CDC42BPA: variants seen among roughly 807,000 people sequenced by gnomAD.
CDC42BPA encodes CDC42 binding protein kinase alpha.
A neutral mutation model predicts 223.5 loss-of-function variants in CDC42BPA; 80 were observed. The ratio of observed to expected loss-of-function variants is 0.36; its 90% confidence interval spans 0.30 to 0.43. The LOEUF (loss-of-function observed/expected upper bound fraction) is 0.43. Ranked by LOEUF, CDC42BPA falls within the 20% of genes least tolerant of loss-of-function variation. The pLI is 1.00. For missense variants in CDC42BPA, 1,743 were observed against 2,099.9 expected (o/e 0.83, Z 3.32); for synonymous variants, 694 against 718.6 (o/e 0.97, Z 0.55).
intron 12 of CDC42BPA, among the ~76,000 whole-genome samples, chr1:227,113,813 G>C (rs1399274306): frequency 2.0e-5 from 3 of 147,784 alleles, no homozygotes; most frequent in Non-Finnish European, 3.0e-5. Flanking sequence ...AGGAGTTCAA[G>C]ATCAGCCTAG....
chr1:227,178,888 C>A (rs1406334370), intron 5 of CDC42BPA, among the ~76,000 whole-genome samples: 2 of 152,200 alleles, frequency 1.3e-5, no homozygotes, highest in African/African-American at 4.8e-5. Context: ...TCCTGATAGA[C>A]TGAGTAATTT....
Position 227,114,866 on chromosome 1 carries a change from G to A in CDC42BPA, c.1648-1953C>T, listed in dbSNP as rs1017799499. Among the ~76,000 whole-genome samples the A allele has an allele frequency of 1.1e-4, 16 of 152,022 alleles. 1 individual carries two copies. The highest frequency in any genetic ancestry group is 3.9e-4 in the African/African-American group (16 of 41,484). ...GGATACTCAATCTGTAAAATTAAAC[G>A]TCTTTAAATTGTTTGTGGGAAATAG... On this transcript the variant is annotated intron_variant, in intron 12 of 36. Transcript: ENST00000366766.
At chr1:227,126,958 A>T (rs1275502499) in intron 11 of CDC42BPA, among the ~76,000 whole-genome samples, 1 of 152,220 alleles carries the variant, frequency 6.6e-6, no homozygotes, top group Non-Finnish European at 1.5e-5. Flanking sequence ...TATAGATCAG[A>T]AAGGGAGAAA....
intron 1 of CDC42BPA, among the ~76,000 whole-genome samples, chr1:227,262,123 A>G (rs1283555183): frequency 1.3e-5 from 2 of 152,226 alleles, no homozygotes; most frequent in African/African-American, 4.8e-5. Flanking sequence ...TGGGAAGATT[A>G]GTACCCTCAA....
rs368245135 is a variant in CDC42BPA, at chr1:227,139,741, C to A, written c.1225G>T (p.Val409Leu). ...FVGFTYTSSC[V>L]LSDRSCLRVT... Reference sequence around the variant, plus strand: ...CTTAAACAGCTCCGATCAGAAAGTACACTGAAGAAAAGAAAAAAAAATGTA... The same window carrying A: ...CTTAAACAGCTCCGATCAGAAAGTAAACTGAAGAAAAGAAAAAAAAATGTA... Residue 409 changes from valine to leucine, a missense_variant and splice_region_variant, in exon 10 of 37, where the codon GTA (valine) becomes TTA (leucine). Val to Leu is a conservative substitution (Grantham distance 32, BLOSUM62 1). Around this residue, in one of 6 missense-constraint regions of CDC42BPA, gnomAD observed 464 missense variants for 488.0 expected, o/e 0.95. Transcript: ENST00000366766. The A allele has an allele frequency of 3.2e-5, 48 of 1,509,666 alleles. No individual in the cohort carries two copies. The highest frequency in any genetic ancestry group is 4.4e-6 in the Non-Finnish European group (5 of 1,134,938). 93.5% of individuals were successfully genotyped at this position (1,509,666 alleles called of 1,614,324 possible).
chr1:227,060,581 A>G (rs545035641), intron 21 of CDC42BPA, among the ~76,000 whole-genome samples: 1 of 152,278 alleles, frequency 6.6e-6, no homozygotes, highest in South Asian at 2.1e-4. Context: ...TTGGGGACCT[A>G]GAGGAGGGAA....
At chr1:227,179,751 G>C (rs1667626133) in intron 5 of CDC42BPA, among the ~76,000 whole-genome samples, 1 of 136,350 alleles carries the variant, frequency 7.3e-6, no homozygotes, top group Admixed American at 7.7e-5. Flanking sequence ...CAAAAAGGTA[G>C]ACATCTTTCC....
At chr1:227,085,482 T>A (rs1681668068) in intron 16 of CDC42BPA, among the ~76,000 whole-genome samples, 1 of 152,262 alleles carries the variant, frequency 6.6e-6, no homozygotes, top group South Asian at 2.1e-4. Context: ...TTCTAAGCTA[T>A]TAGGAATTCT....
At chr1:227,285,459 G>T (rs1264576983) in intron 1 of CDC42BPA, among the ~76,000 whole-genome samples, 1 of 152,080 alleles carries the variant, frequency 6.6e-6, no homozygotes, top group Non-Finnish European at 1.5e-5. Context: ...TTACATTATT[G>T]GTTCTATCCA....
intron 14 of CDC42BPA, among the ~76,000 whole-genome samples, chr1:227,108,474 C>T (rs900522118): frequency 4.6e-5 from 7 of 151,824 alleles, no homozygotes; most frequent in African/African-American, 1.5e-4. Context: ...ATACCTCATA[C>T]GACTTCAATC....
chr1:227,168,258 T>C (rs1433238906), intron 5 of CDC42BPA, among the ~76,000 whole-genome samples: 3 of 152,156 alleles, frequency 2.0e-5, no homozygotes, highest in Non-Finnish European at 4.4e-5. Flanking sequence ...TACTTAAAAA[T>C]ATCATATCAC....
intron 6 of CDC42BPA, among the ~76,000 whole-genome samples, chr1:227,150,857 AAAAAAAAAAAAG>A (rs1297827675): frequency 2.7e-5 from 3 of 112,750 alleles, no homozygotes; most frequent in Non-Finnish European, 3.9e-5. Flanking sequence ...ACCTCCCTGA[AAAAAAAAAAAAG>A]AAAAAAAAAA....
intron 14 of CDC42BPA, among the ~76,000 whole-genome samples, chr1:227,108,925 T>C (rs79424821): frequency 0.058 from 8,803 of 152,198 alleles, 833 homozygotes; most frequent in African/African-American, 0.2. Context: ...ACCTGTACAG[T>C]ATGGTACTGT....
chr1:227,160,557 T>C lies in CDC42BPA; in HGVS notation c.679A>G (p.Met227Val), dbSNP rs1225322952. Reference sequence around the variant, plus strand: ...TCTTTATTTACCGTTCCATCTTCCATCAGCTTCAGACAAGAACCAAAATCT... The same window carrying C: ...TCTTTATTTACCGTTCCATCTTCCACCAGCTTCAGACAAGAACCAAAATCT... Reference protein sequence around the residue: ...LADFGSCLKLMEDGTVQSSVA... With the variant: ...LADFGSCLKLVEDGTVQSSVA... Residue 227 changes from methionine (M) to valine (V), a missense_variant, in exon 6 of 37, where the codon ATG becomes GTG. This residue lies in a region of CDC42BPA where 321 missense variants were observed against 488.7 expected (regional missense o/e 0.66). Transcript: ENST00000366766. The C allele has an allele frequency of 6.3e-7, 1 of 1,592,600 alleles. No individual in the cohort carries two copies. The highest frequency in any genetic ancestry group is 1.1e-5 in the South Asian group (1 of 90,516).
chr1:227,199,096 T>C (rs1034869290), intron 4 of CDC42BPA, among the ~76,000 whole-genome samples: 2 of 152,200 alleles, frequency 1.3e-5, no homozygotes, highest in Non-Finnish European at 2.9e-5. Context: ...GAGATACATG[T>C]GTTAGTTATG....
intron 35 of CDC42BPA, among the ~76,000 whole-genome samples, chr1:226,998,417 AAAC>A (rs953010084): frequency 2.0e-5 from 3 of 152,210 alleles, no homozygotes; most frequent in African/African-American, 7.2e-5. Context: ...ACAGTAACCA[AAAC>A]AACAAGGTAC....
At chr1:227,164,167 C>T (rs545164295) in intron 5 of CDC42BPA, among the ~76,000 whole-genome samples, 1 of 152,272 alleles carries the variant, frequency 6.6e-6, no homozygotes, top group Admixed American at 6.5e-5. Flanking sequence ...AATGGCCACC[C>T]TATCCATATG....
intron 1 of CDC42BPA, among the ~76,000 whole-genome samples, chr1:227,298,133 T>C (rs1009474796): frequency 2.0e-5 from 3 of 151,550 alleles, no homozygotes; most frequent in Non-Finnish European, 4.4e-5. Flanking sequence ...CTCAGTGTAG[T>C]AGGTAAAAAT....
At chr1:227,046,224 G>C (rs1672419472) in intron 23 of CDC42BPA, among the ~76,000 whole-genome samples, 1 of 152,138 alleles carries the variant, frequency 6.6e-6, no homozygotes, top group African/African-American at 2.4e-5. Context: ...GTCCACATGA[G>C]AGCAAACATA....
Sources: gnomAD v4.1 joint callset for allele counts (sites outside exome capture counted in the v4.1 genomes callset) on GRCh38, gnomAD v4.1.1 for gene constraint, gnomAD v4.1.1 regional missense constraint, MANE v1.5 for transcripts, NCBI Gene and HGNC (gene_info 2026-07-23, HGNC 2026-07-21) for gene names.